Variants in GRID1 observed in about 807,000 individuals in gnomAD.
The protein encoded by GRID1 is glutamate receptor ionotropic, delta-1.
In GRID1, 28 loss-of-function variants were observed where a neutral mutation model predicts 98.0. The observed-to-expected ratio is 0.29, with a 90% CI of 0.21 to 0.39. The LOEUF (loss-of-function observed/expected upper bound fraction) is 0.39. Among genes scored for constraint, GRID1 ranks in the 10% least tolerant of loss-of-function variants. The pLI, the probability that GRID1 is intolerant of heterozygous loss-of-function variation, is 1.00. For synonymous variants in GRID1, 553 were observed against 538.5 expected (o/e 1.03, Z -0.37); for missense variants, 1,111 against 1,340.5 (o/e 0.83, Z 2.67).
At chr10:86,197,587 G>A (rs929973111) in intron 3 of GRID1, among the ~76,000 whole-genome samples, 1 of 152,122 alleles carries the variant, frequency 6.6e-6, no homozygotes, top group South Asian at 2.1e-4. Context: ...ACAATGGTGT[G>A]TGGTGAGAAG....
intron 12 of GRID1, among the ~76,000 whole-genome samples, chr10:85,716,661 G>A (rs1265962546): frequency 6.8e-6 from 1 of 146,972 alleles, no homozygotes; most frequent in African/African-American, 2.5e-5. Context: ...CATATACAAT[G>A]TACATAATGT....
chr10:86,339,735 G>T (rs1451464236), intron 2 of GRID1, among the ~76,000 whole-genome samples: 5 of 152,198 alleles, frequency 3.3e-5, no homozygotes, highest in Non-Finnish European at 5.9e-5. Context: ...AAGGTCTGGG[G>T]TCTGGCAGCC....
intron 4 of GRID1, among the ~76,000 whole-genome samples, chr10:86,055,438 G>A (rs1022285447): frequency 6.6e-6 from 1 of 152,106 alleles, no homozygotes; most frequent in Non-Finnish European, 1.5e-5. Context: ...GGTCATGAGG[G>A]TGGGGCCTTC....
At chr10:86,352,356 T>C (rs969130997) in intron 2 of GRID1, among the ~76,000 whole-genome samples, 1 of 152,190 alleles carries the variant, frequency 6.6e-6, no homozygotes, top group Non-Finnish European at 1.5e-5. Flanking sequence ...CCTCCTGTCT[T>C]AGTCTGCTCT....
chr10:85,749,664 T>C (rs1379660742), intron 8 of GRID1, among the ~76,000 whole-genome samples: 1 of 152,192 alleles, frequency 6.6e-6, no homozygotes, highest in Admixed American at 6.6e-5. Context: ...AATAATATCC[T>C]ATCACTTCCT....
At chr10:86,266,782 A>G (rs927170446) in intron 2 of GRID1, among the ~76,000 whole-genome samples, 5 of 152,220 alleles carry the variant, frequency 3.3e-5, no homozygotes, top group African/African-American at 1.2e-4. Context: ...CCTGGGATTC[A>G]CAGGCAGCAT....
chr10:86,099,612 C>T (rs1316098485), intron 4 of GRID1, among the ~76,000 whole-genome samples: 7 of 152,186 alleles, frequency 4.6e-5, no homozygotes, highest in African/African-American at 1.4e-4. Context: ...GGGTCACAGA[C>T]CAAATGAAAT....
chr10:86,177,831 A>G (rs76544319), intron 3 of GRID1, among the ~76,000 whole-genome samples: 3,039 of 152,150 alleles, frequency 0.02, 118 homozygotes, highest in African/African-American at 0.069. Flanking sequence ...GCGTGTGTGC[A>G]CGAGACAGAC....
chr10:86,317,770 G>A (rs1431228243), intron 2 of GRID1, among the ~76,000 whole-genome samples: 3 of 151,896 alleles, frequency 2.0e-5, no homozygotes, highest in Admixed American at 6.6e-5. Flanking sequence ...AGACATGGTC[G>A]CACTCTGTCA....
intron 4 of GRID1, among the ~76,000 whole-genome samples, chr10:86,086,212 C>A (rs549232757): frequency 2.6e-5 from 4 of 152,190 alleles, no homozygotes; most frequent in Non-Finnish European, 5.9e-5. Context: ...GTCTGCTCCA[C>A]TTATACCATC....
chr10:85,723,727 T>C (rs554669689), intron 11 of GRID1, among the ~76,000 whole-genome samples: 1 of 152,328 alleles, frequency 6.6e-6, no homozygotes, highest in Admixed American at 6.5e-5. Flanking sequence ...TTGAGGCCAA[T>C]TATTTCTCCT....
chr10:85,901,227 T>TTTTATTTA (rs34330928), intron 5 of GRID1, among the ~76,000 whole-genome samples: 4,273 of 146,302 alleles, frequency 0.029, 173 homozygotes, highest in African/African-American at 0.087. Flanking sequence ...TTTTATTTTA[T>TTTTATTTA]TTTATTTATT....
At chr10:85,638,990 C>G (rs1843082093) in intron 13 of GRID1, among the ~76,000 whole-genome samples, 2 of 152,130 alleles carry the variant, frequency 1.3e-5, no homozygotes, top group South Asian at 4.1e-4. Flanking sequence ...AGTATATTAC[C>G]AGAGGTGATG....
intron 13 of GRID1, 31 bp from the exon 14 acceptor site, chr10:85,620,064 C>A (rs748899300): frequency 1.9e-6 from 3 of 1,590,782 alleles, no homozygotes; most frequent in Non-Finnish European, 2.6e-6. Context: ...TGAAGTCAGG[C>A]AGTCCTGGCC....
chr10:86,364,574 C>T (rs2132125482), intron 1 of GRID1, among the ~76,000 whole-genome samples: 1 of 152,222 alleles, frequency 6.6e-6, no homozygotes, highest in East Asian at 1.9e-4. Flanking sequence ...ACGTCCCCTG[C>T]TGAGTGGAGC....
At chr10:86,344,899 T>A (rs564719699) in intron 2 of GRID1, among the ~76,000 whole-genome samples, 3 of 152,318 alleles carry the variant, frequency 2.0e-5, no homozygotes, top group African/African-American at 7.2e-5. Context: ...CTGGAATACC[T>A]GGGAAGGGAG....
At chr10:86,161,471 G>C (rs1034968977) in intron 3 of GRID1, among the ~76,000 whole-genome samples, 4 of 152,102 alleles carry the variant, frequency 2.6e-5, no homozygotes, top group African/African-American at 9.7e-5. Context: ...CCCACCGAGC[G>C]CTCCTGCTCC....
At chr10:85,747,604 C>G (rs1331195400) in intron 8 of GRID1, among the ~76,000 whole-genome samples, 1 of 152,088 alleles carries the variant, frequency 6.6e-6, no homozygotes, top group Admixed American at 6.5e-5. Context: ...TCATTCACCC[C>G]CAGCACCAGA....
intron 12 of GRID1, among the ~76,000 whole-genome samples, chr10:85,683,308 A>C (rs966420374): frequency 1.3e-5 from 2 of 152,248 alleles, no homozygotes; most frequent in East Asian, 3.8e-4. Context: ...GTGAATAGGG[A>C]GAACTCCATG....
Sources: gnomAD v4.1 joint callset for allele counts (sites outside exome capture counted in the v4.1 genomes callset) on GRCh38, gnomAD v4.1.1 for gene constraint, MANE v1.5 for transcripts, NCBI Gene and HGNC (gene_info 2026-07-23, HGNC 2026-07-21) for gene names.